The following NAALADL2 variants were observed in gnomAD, a reference collection of about 807,000 sequenced individuals.
The protein encoded by NAALADL2 is N-acetylated alpha-linked acidic dipeptidase like 2.
A neutral mutation model predicts 87.2 loss-of-function variants in NAALADL2; 76 were observed. The observed-to-expected ratio is 0.87, with a 90% CI of 0.72 to 1.05. The LOEUF is 1.05. Among genes scored for constraint, NAALADL2 ranks in the 50% least tolerant of loss-of-function variants. The pLI is 0.00. For missense variants in NAALADL2, 1,089 were observed against 945.8 expected (o/e 1.15, Z -1.99); for synonymous variants, 354 against 331.0 (o/e 1.07, Z -0.75).
At chr3:175,159,694 A>G (rs1732834555) in intron 2 of NAALADL2, among the ~76,000 whole-genome samples, 1 of 152,182 alleles carries the variant, frequency 6.6e-6, no homozygotes, top group Non-Finnish European at 1.5e-5. Flanking sequence ...GAAATAATGA[A>G]TTAGTGTAGT....
At chr3:174,852,832 A>G (rs897242174) in intron 3 of NAALADL2, among the ~76,000 whole-genome samples, 3 of 152,180 alleles carry the variant, frequency 2.0e-5, no homozygotes, top group Admixed American at 2.0e-4. Context: ...GGCTACAGCA[A>G]CAGCATGGTA....
At chr3:174,874,870 C>A (rs1248743058) in intron 1 of NAALADL2, among the ~76,000 whole-genome samples, 1 of 151,890 alleles carries the variant, frequency 6.6e-6, no homozygotes, top group Admixed American at 6.6e-5. Flanking sequence ...AATCCTAGCA[C>A]TTTGGGAGGG....
chr3:174,636,635 A>G (rs1299022992), intron 2 of NAALADL2, among the ~76,000 whole-genome samples: 1 of 152,190 alleles, frequency 6.6e-6, no homozygotes, highest in Admixed American at 6.5e-5. Context: ...AATGGCTAGT[A>G]TTAAAAAGTC....
At chr3:175,006,830 A>G (rs1314467800) in intron 1 of NAALADL2, among the ~76,000 whole-genome samples, 2 of 151,544 alleles carry the variant, frequency 1.3e-5, no homozygotes, top group African/African-American at 4.8e-5. Flanking sequence ...ATATTTGGAC[A>G]TACTTTTGTT....
intron 5 of NAALADL2, among the ~76,000 whole-genome samples, chr3:175,370,863 G>C (rs1344854909): frequency 6.6e-6 from 1 of 152,184 alleles, no homozygotes; most frequent in East Asian, 1.9e-4. Flanking sequence ...GGCTTTCAGA[G>C]CATAAAGGAG....
intron 3 of NAALADL2, among the ~76,000 whole-genome samples, chr3:174,786,467 T>TAAATA (rs563901178): frequency 7.3e-5 from 9 of 122,868 alleles, no homozygotes; most frequent in Admixed American, 8.4e-5. Flanking sequence ...AAAAAAAAAA[T>TAAATA]AATAAATAAA....
chr3:174,898,677 T>A (rs1579426904), intron 1 of NAALADL2, among the ~76,000 whole-genome samples: 1 of 152,084 alleles, frequency 6.6e-6, no homozygotes, highest in Non-Finnish European at 1.5e-5. Flanking sequence ...AAATAAAAAA[T>A]TATATAATGT....
At chr3:175,235,364 ATATAAC>A (rs1560206505) in intron 3 of NAALADL2, 1 of 152,228 alleles carries the variant, frequency 6.6e-6, no homozygotes, top group African/African-American at 2.4e-5. Context: ...AAAGAGCTGC[ATATAAC>A]TATTACCACC....
At chr3:175,640,377 T>C (rs566287955) in intron 11 of NAALADL2, among the ~76,000 whole-genome samples, 1 of 152,284 alleles carries the variant, frequency 6.6e-6, no homozygotes, top group African/African-American at 2.4e-5. Context: ...GGTGTTTTTT[T>C]CCCTCATGTT....
At chr3:175,069,864 G>T (rs908344240) in intron 1 of NAALADL2, among the ~76,000 whole-genome samples, 1 of 148,918 alleles carries the variant, frequency 6.7e-6, no homozygotes, top group African/African-American at 2.5e-5. Flanking sequence ...CCTTTGTAGG[G>T]ACATGGATGA....
intron 1 of NAALADL2, among the ~76,000 whole-genome samples, chr3:174,522,805 G>C (rs1191091146): frequency 2.6e-5 from 4 of 151,666 alleles, no homozygotes; most frequent in Non-Finnish European, 5.9e-5. Flanking sequence ...GCGGTGGCGG[G>C]CGCCTGTAGT....
At chr3:175,029,037 C>A (rs1477812473) in intron 1 of NAALADL2, among the ~76,000 whole-genome samples, 5 of 115,052 alleles carry the variant, frequency 4.3e-5, no homozygotes, top group African/African-American at 1.2e-4. Flanking sequence ...TATGTAAAAT[C>A]ATATATTAAA....
intron 11 of NAALADL2, chr3:175,718,314 A>T: frequency 6.2e-7 from 1 of 1,600,032 alleles, no homozygotes; most frequent in Non-Finnish European, 8.5e-7. Flanking sequence ...TTGCAGGACA[A>T]CTTTGATGCT....
chr3:175,036,834 A>G (rs1332680414), intron 1 of NAALADL2, among the ~76,000 whole-genome samples: 2 of 100,482 alleles, frequency 2.0e-5, no homozygotes, highest in African/African-American at 4.2e-5. Flanking sequence ...TAGCGTTCCT[A>G]TACTTGCTAC....
At chr3:174,612,443 A>G (rs373429661) in intron 2 of NAALADL2, among the ~76,000 whole-genome samples, 5 of 151,908 alleles carry the variant, frequency 3.3e-5, no homozygotes, top group Admixed American at 6.6e-5. Flanking sequence ...TTTGAAGACT[A>G]TTTTCTAGAT....
intron 9 of NAALADL2, among the ~76,000 whole-genome samples, chr3:175,501,528 C>G (rs1477144321): frequency 6.6e-5 from 10 of 151,686 alleles, no homozygotes; most frequent in Non-Finnish European, 1.5e-5. Flanking sequence ...CATTTTAATA[C>G]CTTGGACTGA....
chr3:175,748,152 T>C (rs965652677), intron 12 of NAALADL2, among the ~76,000 whole-genome samples: 9 of 152,214 alleles, frequency 5.9e-5, no homozygotes, highest in Non-Finnish European at 1.3e-4. Context: ...TCTTTTTATC[T>C]ATGCATTATC....
chr3:175,515,140 T>C (rs1446457257), intron 9 of NAALADL2, among the ~76,000 whole-genome samples: 1 of 152,230 alleles, frequency 6.6e-6, no homozygotes, highest in Non-Finnish European at 1.5e-5. Context: ...TTTTCTCTTC[T>C]TCAAATCATG....
intron 1 of NAALADL2, among the ~76,000 whole-genome samples, chr3:174,466,043 A>G (rs1444315846): frequency 1.3e-5 from 2 of 152,174 alleles, no homozygotes; most frequent in Non-Finnish European, 2.9e-5. Context: ...AACTTCAAAC[A>G]AGGTTACCAG....
Sources: gnomAD v4.1 joint callset for allele counts (sites outside exome capture counted in the v4.1 genomes callset) on GRCh38, gnomAD v4.1.1 for gene constraint, MANE v1.5 for transcripts, NCBI Gene and HGNC (gene_info 2026-07-23, HGNC 2026-07-21) for gene names.